Variants in FHIT observed in about 807,000 individuals in gnomAD.
FHIT encodes fragile histidine triad diadenosine triphosphatase, also known as bis(5'-adenosyl)-triphosphatase.
Under a neutral mutation model 17.9 loss-of-function variants are expected in FHIT, and 19 were observed. The observed-to-expected ratio is 1.06, with a 90% CI of 0.74 to 1.56. FHIT has a LOEUF of 1.56. FHIT is among the 40% of genes most tolerant of loss of function. The pLI is 0.00. For missense variants in FHIT, 248 were observed against 189.2 expected, an observed-to-expected ratio of 1.31 and a Z score of -1.82; for synonymous variants, 81 against 69.7, an observed-to-expected ratio of 1.16 and a Z score of -0.81.
At chr3:61,088,120 T>G (rs1336485566) in intron 2 of FHIT, among the ~76,000 whole-genome samples, 2 of 152,142 alleles carry the variant, frequency 1.3e-5, no homozygotes, top group African/African-American at 4.8e-5. Context: ...CCTAGATCAC[T>G]CATCTCTGCC....
intron 3 of FHIT, among the ~76,000 whole-genome samples, chr3:61,002,232 T>C (rs908481387): frequency 3.3e-5 from 5 of 152,198 alleles, no homozygotes; most frequent in Admixed American, 2.6e-4. Context: ...CAAAAACTTA[T>C]TCCTCCTGAC....
chr3:59,869,855 G>A (rs544522391), intron 8 of FHIT, among the ~76,000 whole-genome samples: 21 of 151,898 alleles, frequency 1.4e-4, no homozygotes, highest in Non-Finnish European at 2.4e-4. Flanking sequence ...TGTAATTCCA[G>A]GGAAATTTTA....
chr3:60,890,221 T>TAAAAAAAAAAAAAAAAAAAAAAAA (rs59950717), intron 3 of FHIT, among the ~76,000 whole-genome samples: 5 of 115,638 alleles, frequency 4.3e-5, no homozygotes, highest in African/African-American at 1.1e-4. Context: ...TTCCATGATG[T>TAAAAAAAAAAAAAAAAAAAAAAAA]AAAAAAAAAA....
intron 3 of FHIT, among the ~76,000 whole-genome samples, chr3:60,836,685 A>T (rs1702552481): frequency 6.6e-6 from 1 of 152,164 alleles, no homozygotes; most frequent in South Asian, 2.1e-4. Flanking sequence ...GAGTCCAGTT[A>T]ACAAGAGTGA....
intron 5 of FHIT, among the ~76,000 whole-genome samples, chr3:60,303,761 G>A (rs1157597943): frequency 3.3e-5 from 5 of 152,148 alleles, no homozygotes; most frequent in Non-Finnish European, 5.9e-5. Flanking sequence ...TTGCAAGGAT[G>A]AGAAATACTC....
At chr3:59,855,786 GT>G (rs67545645) in intron 8 of FHIT, among the ~76,000 whole-genome samples, 65 of 144,584 alleles carry the variant, frequency 4.5e-4, no homozygotes, top group African/African-American at 9.3e-4. Context: ...ACCTTTTTTT[GT>G]TTTTTTTTTT....
At chr3:61,230,216 G>T (rs905588324) in intron 1 of FHIT, among the ~76,000 whole-genome samples, 1 of 152,184 alleles carries the variant, frequency 6.6e-6, no homozygotes, top group African/African-American at 2.4e-5. Flanking sequence ...AGTGTCAGAG[G>T]TGGAGCCTAG....
intron 5 of FHIT, among the ~76,000 whole-genome samples, chr3:60,100,945 C>T (rs1704165855): frequency 1.3e-5 from 2 of 152,128 alleles, no homozygotes; most frequent in East Asian, 1.9e-4. Context: ...GGCTAAGGTC[C>T]TGTTTTCACA....
intron 4 of FHIT, among the ~76,000 whole-genome samples, chr3:60,612,909 G>T (rs1318024052): frequency 2.0e-5 from 3 of 152,086 alleles, no homozygotes; most frequent in Non-Finnish European, 4.4e-5. Flanking sequence ...TGCCAGCAAC[G>T]AATCATATTT....
At chr3:60,015,834 A>G (rs1309474753) in intron 5 of FHIT, among the ~76,000 whole-genome samples, 2 of 151,152 alleles carry the variant, frequency 1.3e-5, no homozygotes, top group Non-Finnish European at 2.9e-5. Context: ...AGTAATATCA[A>G]TGACATCCAA....
At chr3:60,702,318 T>A (rs1432857728) in intron 4 of FHIT, among the ~76,000 whole-genome samples, 10 of 152,166 alleles carry the variant, frequency 6.6e-5, no homozygotes, top group Non-Finnish European at 1.5e-4. Context: ...AAAGTAAAAA[T>A]GAAACCTGTT....
intron 5 of FHIT, among the ~76,000 whole-genome samples, chr3:60,170,082 A>T (rs1249277950): frequency 6.6e-6 from 1 of 152,132 alleles, no homozygotes; most frequent in Non-Finnish European, 1.5e-5. Context: ...TTCTGGGTAC[A>T]GGCATATAAC....
At chr3:60,485,564 A>C (rs1249116007) in intron 5 of FHIT, among the ~76,000 whole-genome samples, 1 of 151,730 alleles carries the variant, frequency 6.6e-6, no homozygotes, top group Non-Finnish European at 1.5e-5. Flanking sequence ...AGAAAACCAA[A>C]CACCACATGT....
intron 5 of FHIT, among the ~76,000 whole-genome samples, chr3:60,414,685 G>C (rs187114360): frequency 6.6e-6 from 1 of 152,268 alleles, no homozygotes; most frequent in African/African-American, 2.4e-5. Context: ...ATATTTAATA[G>C]AGAAGATAAA....
intron 8 of FHIT, among the ~76,000 whole-genome samples, chr3:59,770,236 G>A (rs1702014433): frequency 6.6e-6 from 1 of 152,120 alleles, no homozygotes. Context: ...ACAACCCTAT[G>A]TGGTAATTAG....
At chr3:60,891,880 C>A (rs1465276442) in intron 3 of FHIT, among the ~76,000 whole-genome samples, 1 of 152,098 alleles carries the variant, frequency 6.6e-6, no homozygotes, top group Non-Finnish European at 1.5e-5. Context: ...AGTGAGCAAA[C>A]AAGGAAACTA....
At chr3:60,103,477 G>A (rs1216519766) in intron 5 of FHIT, among the ~76,000 whole-genome samples, 2 of 152,190 alleles carry the variant, frequency 1.3e-5, no homozygotes, top group Non-Finnish European at 2.9e-5. Context: ...GTGAAGAAAT[G>A]ACAGGATAAA....
At chr3:61,058,351 G>A (rs189753127) in intron 2 of FHIT, among the ~76,000 whole-genome samples, 1 of 152,294 alleles carries the variant, frequency 6.6e-6, no homozygotes, top group Non-Finnish European at 1.5e-5. Flanking sequence ...TGGTCGGTAA[G>A]ATAACATCAT....
intron 4 of FHIT, among the ~76,000 whole-genome samples, chr3:60,562,123 C>T (rs1032221457): frequency 6.6e-5 from 10 of 152,046 alleles, no homozygotes; most frequent in African/African-American, 1.7e-4. Context: ...AGGGATACAA[C>T]GGTTAATGAG....
Sources: gnomAD v4.1 joint callset for allele counts (sites outside exome capture counted in the v4.1 genomes callset) on GRCh38, gnomAD v4.1.1 for gene constraint, MANE v1.5 for transcripts, NCBI Gene and HGNC (gene_info 2026-07-23, HGNC 2026-07-21) for gene names.